Variants in ZFAT observed in about 807,000 individuals in gnomAD.
ZFAT encodes the protein zinc finger and AT-hook domain containing.
In ZFAT, 64 loss-of-function variants were observed where a neutral mutation model predicts 117.7. The ratio of observed to expected loss-of-function variants is 0.54; its 90% confidence interval spans 0.44 to 0.67. The LOEUF (loss-of-function observed/expected upper bound fraction) is 0.67, where lower values mean the gene tolerates loss of function less well. Among genes scored for constraint, ZFAT ranks in the 30% least tolerant of loss-of-function variants. The pLI is 0.00. For synonymous variants in ZFAT, 679 were observed against 615.0 expected, an observed-to-expected ratio of 1.10 and a Z score of -1.54; for missense variants, 1,433 against 1,584.5, an observed-to-expected ratio of 0.90 and a Z score of 1.62.
Position 134,478,998 on chromosome 8 carries a change from G to A in ZFAT, c.3493-277C>T, listed in dbSNP as rs1389196587. Among the ~76,000 whole-genome samples the A allele has an allele frequency of 6.6e-6, 1 of 152,288 alleles. No individual in the cohort carries two copies. The highest frequency in any genetic ancestry group is 1.9e-4 in the East Asian group (1 of 5,176). On this transcript the variant is annotated intron_variant, in intron 15 of 15. Coordinates refer to ENST00000377838, the MANE Select transcript of ZFAT (RefSeq NM_020863.4). This position sits in a 1 kb window ranked among gnomAD's most constrained non-coding sequence, Gnocchi z 5.2. ...AGAGTCCGAGGTTGTTTCTGATGCCGAGCTGCTTCCCGGGGCTTCCAGGAG... is the reference window on the plus strand; with the variant it reads ...AGAGTCCGAGGTTGTTTCTGATGCCAAGCTGCTTCCCGGGGCTTCCAGGAG...
chr8:134,492,152 C>T (rs11990030), intron 15 of ZFAT, among the ~76,000 whole-genome samples: 14,263 of 151,910 alleles, frequency 0.094, 1,051 homozygotes, highest in African/African-American at 0.21. Flanking sequence ...TGAGACTCCA[C>T]GTGCTACGGC....
At chr8:134,495,068 G>A (rs779327892) in intron 15 of ZFAT, among the ~76,000 whole-genome samples, 1 of 152,156 alleles carries the variant, frequency 6.6e-6, no homozygotes, top group Non-Finnish European at 1.5e-5. Context: ...ACCACCACCT[G>A]CCCAGCTCCC....
chr8:134,685,991 C>G lies in ZFAT; in HGVS notation c.19+26854G>C, dbSNP rs1415398699. ...AGCAGGTGGGCACACAGCAGGGCTA[C>G]AACCCAAACACACATCCTTGGCCCA... is the stretch of plus-strand genomic sequence containing the variant. On this transcript the variant is annotated intron_variant, in intron 1 of 15. Coordinates refer to ENST00000377838, the MANE Select transcript of ZFAT (RefSeq NM_020863.4). 5.3e-5 allele frequency among the ~76,000 whole-genome samples: 8 copies of G among 152,152 alleles called. 1 individual carries two copies. Among genetic ancestry groups the G allele is most frequent in the Admixed American group, 5.2e-4 (8 of 15,272 alleles).
intron 1 of ZFAT, among the ~76,000 whole-genome samples, chr8:134,698,886 T>C (rs1006287203): frequency 3.9e-5 from 6 of 152,226 alleles, no homozygotes; most frequent in African/African-American, 9.7e-5. Context: ...ATTTCTTACA[T>C]AGTCTTCCCA....
chr8:134,599,855 C>T (rs889417349), intron 7 of ZFAT: 12 of 447,462 alleles, frequency 2.7e-5, no homozygotes, highest in African/African-American at 2.2e-4. Context: ...AGATCCTCCA[C>T]CAAAGACCTA....
In ZFAT at chr8:134,602,018, G is replaced by C. The variant is rs1047154021; in HGVS notation, c.1701C>G (p.Ala567=). ...CACAGGGTGGCAGGGCTGTGCTTTC[G>C]GCCTGCGGGGAGGCCAGGTGCACAG... The part of the protein sequence containing the change: ...APAVHLASPQ[A]ESTALPPCEL... Residue 567 remains alanine, a synonymous_variant, in exon 6 of 16, where the codon GCC becomes GCG. Coordinates refer to ENST00000377838, the MANE Select transcript of ZFAT (RefSeq NM_020863.4). 1.1e-5 allele frequency: 17 copies of C among 1,612,530 alleles called. No individual in the cohort carries two copies. The highest frequency in any genetic ancestry group is 1.4e-5 in the Non-Finnish European group (17 of 1,179,698).
intron 1 of ZFAT, among the ~76,000 whole-genome samples, chr8:134,687,805 A>C (rs1448378856): frequency 6.6e-6 from 1 of 152,186 alleles, no homozygotes; most frequent in Non-Finnish European, 1.5e-5. Context: ...ACTGGGGAGA[A>C]ATAGCAATGC....
chr8:134,576,224 T>C lies in ZFAT; in HGVS notation c.2887+7608A>G, dbSNP rs570389907. Reference sequence around the variant, plus strand: ...TAAGCTAATTGCTCAGTAAGCTGCGTAGTTCATTTTATAGTATGGGCCCAC... The same window carrying C: ...TAAGCTAATTGCTCAGTAAGCTGCGCAGTTCATTTTATAGTATGGGCCCAC... On this transcript the variant is annotated intron_variant, in intron 10 of 15. Coordinates refer to ENST00000377838, the MANE Select transcript of ZFAT (RefSeq NM_020863.4). Among the ~76,000 whole-genome samples, 70 of 152,340 alleles carry C rather than the reference T, an allele frequency of 4.6e-4. 1 individual carries two copies. The Middle Eastern group carries it at 0.01, about 22-fold the overall frequency.
the ZFAT span, among the ~76,000 whole-genome samples, chr8:134,806,111 C>T: frequency 6.6e-6 from 1 of 152,150 alleles, no homozygotes; most frequent in Non-Finnish European, 1.5e-5. Context: ...AACATACATA[C>T]ATACATGAGC....
At chr8:134,698,105 C>T (rs7821292) in intron 1 of ZFAT, among the ~76,000 whole-genome samples, 58,433 of 150,894 alleles carry the variant, frequency 0.39, 11,540 homozygotes, top group South Asian at 0.43. Context: ...GGTGGATTAC[C>T]TGAGGTCAGG....
the ZFAT span, among the ~76,000 whole-genome samples, chr8:134,816,437 T>C: frequency 0.032 from 4,753 of 150,822 alleles, 238 homozygotes; most frequent in African/African-American, 0.11. Context: ...AAGACAAGAC[T>C]CTTGAAATGA....
chr8:134,513,552 C>T (rs1428258476), intron 13 of ZFAT, among the ~76,000 whole-genome samples: 1 of 152,072 alleles, frequency 6.6e-6, no homozygotes, highest in Non-Finnish European at 1.5e-5. Flanking sequence ...TCAGGACTTG[C>T]GAGGGTAGGA....
the ZFAT span, among the ~76,000 whole-genome samples, chr8:134,724,466 A>T: frequency 6.6e-6 from 1 of 152,190 alleles, no homozygotes; most frequent in Non-Finnish European, 1.5e-5. Flanking sequence ...CCAGTGGGCT[A>T]TACTGCCAAG....
chr8:134,553,116 C>G (rs1823305341), intron 11 of ZFAT, among the ~76,000 whole-genome samples: 1 of 152,172 alleles, frequency 6.6e-6, no homozygotes, highest in Admixed American at 6.5e-5. Flanking sequence ...GCATACGCAG[C>G]AGGTCCAGCA....
intron 1 of ZFAT, among the ~76,000 whole-genome samples, chr8:134,703,502 C>T (rs890292183): frequency 1.3e-5 from 2 of 152,178 alleles, no homozygotes; most frequent in African/African-American, 4.8e-5. Flanking sequence ...CCAGATAGGG[C>T]CTCACACACA....
At chr8:134,550,151 CT>C (rs1823021644) in intron 11 of ZFAT, among the ~76,000 whole-genome samples, 1 of 152,122 alleles carries the variant, frequency 6.6e-6, no homozygotes, top group South Asian at 2.1e-4. Context: ...TAATCCAAGT[CT>C]TCCTGAAAGT....
At chr8:134,594,613 C>A (rs191176563) in intron 7 of ZFAT, among the ~76,000 whole-genome samples, 6 of 152,178 alleles carry the variant, frequency 3.9e-5, no homozygotes, top group East Asian at 1.9e-4. Flanking sequence ...TTCTCCTCCT[C>A]CTACTAAAAA....
At chr8:134,671,866 G>A (rs1181720821) in intron 1 of ZFAT, among the ~76,000 whole-genome samples, 2 of 152,154 alleles carry the variant, frequency 1.3e-5, no homozygotes, top group Non-Finnish European at 2.9e-5. Context: ...CATTGTCTCA[G>A]CCCAAAATCT....
rs1388012576 is a variant in ZFAT at position 134,478,855 on chromosome 8, C to T, written c.3493-134G>A. On this transcript the variant is annotated intron_variant, in intron 15 of 15. Coordinates refer to ENST00000377838, the MANE Select transcript of ZFAT (RefSeq NM_020863.4). The surrounding 1 kb of genome is among the most constrained non-coding windows in gnomAD (Gnocchi z 5.2). ...GTCCATTCTCCACGGATCCTCTCTA[C>T]CAGGCTGTGCTTGCTCTCATGCCCA... 3.0e-6 allele frequency: 4 copies of T among 1,338,428 alleles called. No homozygotes were observed. Among genetic ancestry groups the T allele is most frequent in the East Asian group, 2.5e-5 (1 of 39,484 alleles). 82.9% of individuals were successfully genotyped at this position (1,338,428 alleles called of 1,614,324 possible).
Sources: gnomAD v4.1 joint callset for allele counts (sites outside exome capture counted in the v4.1 genomes callset) on GRCh38, gnomAD v4.1.1 for gene constraint, Gnocchi (gnomAD v3.1) non-coding constraint, MANE v1.5 for transcripts, NCBI Gene and HGNC (gene_info 2026-07-23, HGNC 2026-07-21) for gene names.